CACNA2D3: variants seen among roughly 807,000 people sequenced by gnomAD.
CACNA2D3 encodes the protein calcium voltage-gated channel auxiliary subunit alpha2delta 3.
In CACNA2D3, 60 loss-of-function variants were observed where a neutral mutation model predicts 160.6. The ratio of observed to expected loss-of-function variants is 0.37; its 90% CI spans 0.30 to 0.46. The LOEUF is 0.46. CACNA2D3 is among the 20% of genes least tolerant of loss of function. The probability of loss-of-function intolerance (pLI) is 1.00; values close to 1 mark genes in which losing one functional copy is unlikely to be tolerated. For synonymous variants in CACNA2D3, 558 were observed against 492.9 expected, an observed-to-expected ratio of 1.13 and a Z score of -1.75; for missense variants, 1,205 against 1,365.0, an observed-to-expected ratio of 0.88 and a Z score of 1.85.
intron 8 of CACNA2D3, 90 bp downstream of exon 8, chr3:54,570,194 A>G: frequency 7.6e-7 from 1 of 1,311,714 alleles, no homozygotes; most frequent in South Asian, 1.3e-5. Context: ...TGTTAGATCC[A>G]GAGCATCTAG....
intron 3 of CACNA2D3, among the ~76,000 whole-genome samples, chr3:54,339,192 A>G (rs1323748331): frequency 6.6e-6 from 1 of 152,070 alleles, no homozygotes; most frequent in Admixed American, 6.6e-5. Flanking sequence ...ACCTCCCTCA[A>G]GCTCTGTGAA....
chr3:54,539,317 A>AT, intron 5 of CACNA2D3, among the ~76,000 whole-genome samples: 1 of 152,238 alleles, frequency 6.6e-6, no homozygotes, highest in East Asian at 1.9e-4. Context: ...GACCAGTGTT[A>AT]TTTTTTTAGG....
intron 4 of CACNA2D3, among the ~76,000 whole-genome samples, chr3:54,388,821 A>G (rs897784543): frequency 1.3e-5 from 2 of 152,208 alleles, no homozygotes; most frequent in African/African-American, 4.8e-5. Flanking sequence ...TGTGAAGATT[A>G]TAAGGACCTC....
chr3:54,871,404 T>A, intron 17 of CACNA2D3, 135 bp from the exon 18 acceptor site: 1 of 612,926 alleles, frequency 1.6e-6, no homozygotes, highest in Non-Finnish European at 2.9e-6. Context: ...ACTGTCACCC[T>A]GCTGGGCTTC....
At chr3:54,910,946 A>G (rs1051750948) in intron 27 of CACNA2D3, among the ~76,000 whole-genome samples, 30 of 152,200 alleles carry the variant, frequency 2.0e-4, no homozygotes, top group Admixed American at 2.6e-4. Flanking sequence ...TGTACTCAAA[A>G]GTAGACAGAA....
chr3:54,515,199 T>TGTGTGAGA (rs1553706902), intron 5 of CACNA2D3, among the ~76,000 whole-genome samples: 2 of 143,598 alleles, frequency 1.4e-5, no homozygotes, highest in Non-Finnish European at 3.0e-5. Context: ...TGTGTGTGTG[T>TGTGTGAGA]GAGAGAGAGA....
At chr3:54,516,568 A>C (rs915521412) in intron 5 of CACNA2D3, among the ~76,000 whole-genome samples, 2 of 152,172 alleles carry the variant, frequency 1.3e-5, no homozygotes, top group Non-Finnish European at 2.9e-5. Context: ...GGACTGATCC[A>C]CATCTTAGAG....
chr3:54,503,512 G>A lies in CACNA2D3; in HGVS notation c.402G>A (p.Val134=). 6.2e-7 allele frequency: 1 copy of A among 1,613,940 alleles called. No homozygotes were observed. The highest frequency in any genetic ancestry group is 8.5e-7 in the Non-Finnish European group (1 of 1,179,832). ...ADLQYEYFNA[V]LINERDKDGN... is the part of the protein sequence containing the mutation. Reference sequence around the variant, plus strand: ...TTCAGTATGAATACTTCAATGCTGTGCTGATAAATGAAAGGGACAAAGACG... The same window carrying A: ...TTCAGTATGAATACTTCAATGCTGTACTGATAAATGAAAGGGACAAAGACG... The change falls in exon 5 of 38, where the codon GTG becomes GTA. Residue 134 remains valine, a synonymous_variant. Transcript: ENST00000474759.
intron 2 of CACNA2D3, among the ~76,000 whole-genome samples, chr3:54,180,282 G>A (rs1026771158): frequency 6.6e-6 from 1 of 152,138 alleles, no homozygotes; most frequent in African/African-American, 2.4e-5. Flanking sequence ...TGGGAACCAT[G>A]CTCAGGCCCA....
At position 54,242,820 on chromosome 3, in the gene CACNA2D3, A is replaced by G. The variant is rs182196836; in HGVS notation, c.205-77622A>G. ...AACCACAGAAAGCAAAACCGTGGAT[A>G]AGGGGGACTACTAAGAAAACATTAG... On this transcript the variant is annotated intron_variant, in intron 2 of 37. Coordinates refer to ENST00000474759, the MANE Select transcript of CACNA2D3 (RefSeq NM_018398.3). 7.9e-5 allele frequency among the ~76,000 whole-genome samples: 12 copies of G among 152,338 alleles called. No homozygotes were observed. The East Asian group carries it at 2.3e-3, about 29-fold the overall frequency.
chr3:55,048,107 A>C (rs1166861385), intron 35 of CACNA2D3, among the ~76,000 whole-genome samples: 10 of 100,122 alleles, frequency 1.0e-4, no homozygotes, highest in Admixed American at 2.1e-4. Context: ...TCTCCTGCCT[A>C]ATTGCCCTGG....
At chr3:55,000,453 A>C (rs1420704741) in intron 31 of CACNA2D3, among the ~76,000 whole-genome samples, 2 of 152,202 alleles carry the variant, frequency 1.3e-5, no homozygotes. Context: ...TCTAATTCAC[A>C]TGGGGCTTAA....
chr3:54,250,063 A>T (rs1177266561), intron 2 of CACNA2D3, among the ~76,000 whole-genome samples: 1 of 152,110 alleles, frequency 6.6e-6, no homozygotes, highest in African/African-American at 2.4e-5. Context: ...GATAGACTTG[A>T]TGGAAAGTAG....
intron 17 of CACNA2D3, among the ~76,000 whole-genome samples, chr3:54,849,269 C>T (rs1237240361): frequency 2.0e-5 from 3 of 152,124 alleles, no homozygotes; most frequent in Non-Finnish European, 2.9e-5. Flanking sequence ...ATACTAGCAG[C>T]CACAGTAGCT....
chr3:54,285,403 G>A (rs2107468668), intron 2 of CACNA2D3, among the ~76,000 whole-genome samples: 1 of 152,332 alleles, frequency 6.6e-6, no homozygotes, highest in East Asian at 1.9e-4. Context: ...CCATTCCCCA[G>A]GCTTGATTAG....
chr3:54,309,139 T>C (rs1703673726), intron 2 of CACNA2D3, among the ~76,000 whole-genome samples: 1 of 152,262 alleles, frequency 6.6e-6, no homozygotes, highest in Non-Finnish European at 1.5e-5. Flanking sequence ...TGCAGGAATC[T>C]AGCGAATACT....
intron 4 of CACNA2D3, among the ~76,000 whole-genome samples, chr3:54,433,028 A>G (rs1271785120): frequency 1.3e-5 from 2 of 152,234 alleles, no homozygotes; most frequent in Non-Finnish European, 2.9e-5. Flanking sequence ...ACACATTTTA[A>G]TCAGAATATT....
chr3:54,929,236 G>A (rs936321696), intron 27 of CACNA2D3, among the ~76,000 whole-genome samples: 3 of 152,144 alleles, frequency 2.0e-5, no homozygotes, highest in African/African-American at 7.2e-5. Flanking sequence ...TACTTTACCA[G>A]GCTGTGCCCA....
At chr3:55,073,218 G>A (rs574498216) in intron 35 of CACNA2D3, among the ~76,000 whole-genome samples, 1 of 152,270 alleles carries the variant, frequency 6.6e-6, no homozygotes, top group African/African-American at 2.4e-5. Context: ...TCCAAGGTGA[G>A]TTGTATGAGC....
Sources: gnomAD v4.1 joint callset for allele counts (sites outside exome capture counted in the v4.1 genomes callset) on GRCh38, gnomAD v4.1.1 for gene constraint, MANE v1.5 for transcripts, NCBI Gene and HGNC (gene_info 2026-07-23, HGNC 2026-07-21) for gene names.